Variants in CACNB4 observed in about 807,000 individuals in gnomAD.
The protein encoded by CACNB4 is calcium voltage-gated channel auxiliary subunit beta 4.
In CACNB4, 32 loss-of-function variants were observed where a neutral mutation model predicts 71.2. The ratio of observed to expected loss-of-function variants is 0.45; its 90% CI spans 0.34 to 0.60. The LOEUF is 0.60. Among genes scored for constraint, CACNB4 ranks in the 20% least tolerant of loss-of-function variants. The pLI, the probability that CACNB4 is intolerant of heterozygous loss-of-function variation, is 0.01. For synonymous variants in CACNB4, 231 were observed against 236.9 expected, an observed-to-expected ratio of 0.97 and a Z score of 0.23; for missense variants, 464 against 647.9, an observed-to-expected ratio of 0.72 and a Z score of 3.08.
intron 2 of CACNB4, among the ~76,000 whole-genome samples, chr2:151,977,711 T>C (rs1008316849): frequency 3.3e-5 from 5 of 152,210 alleles, no homozygotes; most frequent in African/African-American, 1.2e-4. Context: ...TGATTCTAAT[T>C]TTCCACCTAA....
intron 2 of CACNB4, among the ~76,000 whole-genome samples, chr2:151,905,328 G>A (rs974781680): frequency 2.0e-5 from 3 of 151,982 alleles, no homozygotes; most frequent in South Asian, 4.2e-4. Flanking sequence ...TTCTCACATC[G>A]TACAGATAAT....
At chr2:152,005,807 C>T (rs961254420) in intron 2 of CACNB4, among the ~76,000 whole-genome samples, 5 of 152,198 alleles carry the variant, frequency 3.3e-5, no homozygotes, top group African/African-American at 9.6e-5. Flanking sequence ...ACAACCATTT[C>T]GGGCAAGTTA....
chr2:151,961,978 T>C (rs1253226659), intron 2 of CACNB4, among the ~76,000 whole-genome samples: 1 of 152,204 alleles, frequency 6.6e-6, no homozygotes, highest in Non-Finnish European at 1.5e-5. Flanking sequence ...GTAATACAGA[T>C]GGAACCAAAT....
At chr2:151,880,646 T>C in intron 4 of CACNB4, 154 bp downstream of exon 4, 1 of 719,062 alleles carries the variant, frequency 1.4e-6, no homozygotes, top group Non-Finnish European at 2.3e-6. Context: ...TTCTCAATCT[T>C]AATGAGAATG....
At chr2:151,969,178 C>T (rs2099871901) in intron 2 of CACNB4, 1 of 152,156 alleles carries the variant, frequency 6.6e-6, no homozygotes, top group Non-Finnish European at 1.5e-5. Flanking sequence ...TCAGAGATGC[C>T]AACATCCAGT....
At chr2:151,968,155 C>T (rs2099871635) in intron 2 of CACNB4, 1 of 152,196 alleles carries the variant, frequency 6.6e-6, no homozygotes, top group Admixed American at 6.5e-5. Context: ...GTTTTACACA[C>T]TAAGTTGTTC....
chr2:151,923,682 C>G (rs994670829), intron 2 of CACNB4, among the ~76,000 whole-genome samples: 2 of 152,320 alleles, frequency 1.3e-5, no homozygotes, highest in South Asian at 4.1e-4. Flanking sequence ...CCAATAAAAG[C>G]TCATTTACAA....
At chr2:152,073,622 G>A (rs1043898476) in intron 2 of CACNB4, among the ~76,000 whole-genome samples, 2 of 152,096 alleles carry the variant, frequency 1.3e-5, no homozygotes, top group Admixed American at 6.6e-5. Context: ...GGAAAACAGT[G>A]CAGGATAATG....
At chr2:152,031,328 C>A (rs1410441953) in intron 2 of CACNB4, among the ~76,000 whole-genome samples, 1 of 152,140 alleles carries the variant, frequency 6.6e-6, no homozygotes, top group Non-Finnish European at 1.5e-5. Context: ...GAATAAGACT[C>A]TGAGGGTAAA....
rs1455924801 is a variant in CACNB4 at position 152,098,407 on chromosome 2, G to A, written c.70C>T (p.Arg24Ter). Residue 24 changes from arginine (R) to a stop codon, truncating the protein, a stop_gained, in exon 2 of 14, where the codon CGA becomes TGA. Coordinates refer to ENST00000539935, the MANE Select transcript of CACNB4 (RefSeq NM_000726.5). LOFTEE classifies it high-confidence loss of function. This position sits in a 1 kb window ranked among gnomAD's most constrained non-coding sequence, Gnocchi z 5.3. ...CTGCTCCTCCGGGTTGTGGTGCCTC[G>A]GGCCACCTGGACTCGACACACGGGG... ...GPHSPTSQVARGTTTRRSRLK... is the reference protein window; with the variant it reads ...GPHSPTSQVA 5 of 1,612,696 alleles carry A rather than the reference G, an allele frequency of 3.1e-6. No homozygotes were observed. Among genetic ancestry groups the A allele is most frequent in the Admixed American group, 1.7e-5 (1 of 59,998 alleles).
chr2:151,839,141 T>A lies in CACNB4; in HGVS notation c.1541A>T (p.His514Leu). 6.2e-7 allele frequency: 1 copy of A among 1,612,734 alleles called. No individual in the cohort carries two copies. The change falls in exon 14 of 14, where the codon CAT becomes CTT. Residue 514 changes from histidine (H) to leucine (L), a missense_variant. Transcript: ENST00000539935. The stretch of plus-strand genomic sequence containing the variant: ...GACTCAAAGCCTATGTCGGGAGTCA[T>A]GGCTATATCCCCCAGGTGATCCTCG... The part of the protein sequence containing the change: ...RNRGSPGGYS[H>L]DSRHRL
intron 2 of CACNB4, among the ~76,000 whole-genome samples, chr2:152,083,372 G>A (rs969310797): frequency 4.6e-5 from 7 of 151,914 alleles, no homozygotes; most frequent in Non-Finnish European, 8.8e-5. Context: ...AAGGAAGGGA[G>A]GGAGGGAAGG....
At chr2:151,924,054 G>A (rs1004860149) in intron 2 of CACNB4, among the ~76,000 whole-genome samples, 3 of 144,186 alleles carry the variant, frequency 2.1e-5, no homozygotes, top group East Asian at 2.0e-4. Flanking sequence ...ACATACGTGC[G>A]TGTAATCTAT....
At chr2:151,962,894 T>C (rs2099870020) in intron 2 of CACNB4, 1 of 152,198 alleles carries the variant, frequency 6.6e-6, no homozygotes, top group Admixed American at 6.5e-5. Flanking sequence ...TTCTCCCAAC[T>C]CCCAACTGTT....
intron 2 of CACNB4, among the ~76,000 whole-genome samples, chr2:152,097,632 C>G (rs1158113497): frequency 6.6e-6 from 1 of 152,168 alleles, no homozygotes; most frequent in Non-Finnish European, 1.5e-5. Flanking sequence ...ACCAGCGATC[C>G]GGAGATCCCG....
In CACNB4 at chr2:151,891,111, ATTGAT is replaced by A. The variant is rs1424677131; in HGVS notation, c.148-7746_148-7742del. 5.3e-5 allele frequency among the ~76,000 whole-genome samples: 8 copies of A among 152,316 alleles called. No individual in the cohort carries two copies. The East Asian group carries it at 1.3e-3, about 26-fold the overall frequency. ...GGTTCTATTACAACTATTTTACATA[ATTGAT>A]TTAACAGGAAGTAATATTAATTTAT... On this transcript the variant is annotated intron_variant, in intron 2 of 13. Transcript: ENST00000539935.
At chr2:151,950,994 G>C (rs572880139) in intron 2 of CACNB4, among the ~76,000 whole-genome samples, 2 of 152,226 alleles carry the variant, frequency 1.3e-5, no homozygotes, top group Admixed American at 1.3e-4. Context: ...CTGGAGGCTG[G>C]AGTGCAGTGG....
At chr2:151,970,701 T>C (rs1286246763) in intron 2 of CACNB4, 1 of 152,250 alleles carries the variant, frequency 6.6e-6, no homozygotes, top group Admixed American at 6.5e-5. Flanking sequence ...TCGATGTGCA[T>C]GATCCACTGG....
chr2:152,092,116 C>T (rs1431549782), intron 2 of CACNB4, among the ~76,000 whole-genome samples: 2 of 152,152 alleles, frequency 1.3e-5, no homozygotes, highest in Non-Finnish European at 2.9e-5. Flanking sequence ...GTCTGTTCTA[C>T]CATTATCTAT....
Sources: gnomAD v4.1 joint callset for allele counts (sites outside exome capture counted in the v4.1 genomes callset) on GRCh38, gnomAD v4.1.1 for gene constraint, Gnocchi (gnomAD v3.1) non-coding constraint, MANE v1.5 for transcripts, NCBI Gene and HGNC (gene_info 2026-07-23, HGNC 2026-07-21) for gene names.